The following CACNA1E variants were observed in gnomAD, a reference collection of about 807,000 sequenced individuals.
CACNA1E encodes the protein calcium voltage-gated channel subunit alpha1 E.
CACNA1E carries 40 observed loss-of-function variants against 259.2 expected under a neutral mutation model. The ratio of observed to expected loss-of-function variants is 0.15; its 90% confidence interval spans 0.12 to 0.20. CACNA1E has a LOEUF of 0.20. Among genes scored for constraint, CACNA1E ranks in the 10% least tolerant of loss-of-function variants. CACNA1E has a pLI of 1.00. For synonymous variants in CACNA1E, 1,104 were observed against 1,138.5 expected, an observed-to-expected ratio of 0.97 and a Z score of 0.61; for missense variants, 1,874 against 3,040.1, an observed-to-expected ratio of 0.62 and a Z score of 9.02.
chr1:181,464,243 C>T (rs1558024285), intron 2 of CACNA1E, among the ~76,000 whole-genome samples: 1 of 151,972 alleles, frequency 6.6e-6, no homozygotes. Context: ...ATCACCTTGT[C>T]ACATTTCACT....
intron 1 of CACNA1E, among the ~76,000 whole-genome samples, chr1:181,341,307 G>T (rs1221877446): frequency 6.6e-6 from 1 of 152,320 alleles, no homozygotes; most frequent in East Asian, 1.9e-4. Context: ...GGCTTCTGCT[G>T]CTCTCTGGAT....
At chr1:181,649,225 G>A (rs1658543520) in intron 6 of CACNA1E, among the ~76,000 whole-genome samples, 1 of 152,160 alleles carries the variant, frequency 6.6e-6, no homozygotes, top group Non-Finnish European at 1.5e-5. Context: ...GTATTTAACT[G>A]ACCAGACCTG....
intron 7 of CACNA1E, among the ~76,000 whole-genome samples, chr1:181,683,485 C>A (rs780825587): frequency 6.6e-6 from 1 of 152,154 alleles, no homozygotes; most frequent in Non-Finnish European, 1.5e-5. Context: ...AAGTTTGTTA[C>A]ATAGGTAAAT....
intron 3 of CACNA1E, among the ~76,000 whole-genome samples, chr1:181,523,642 G>T (rs986127224): frequency 6.6e-6 from 1 of 152,154 alleles, no homozygotes; most frequent in Non-Finnish European, 1.5e-5. Context: ...TTGTTAAGGG[G>T]CTATAGTAAT....
In CACNA1E at chr1:181,771,460, A is replaced by G. The variant is rs904007895; in HGVS notation, c.4973+76A>G. 4 of 791,152 alleles carry G rather than the reference A, an allele frequency of 5.1e-6. 1 individual carries two copies. Among genetic ancestry groups the G allele is most frequent in the South Asian group, 3.0e-5 (2 of 66,796 alleles). The allele number at this position is 791,152 out of a possible 1,614,324, so 49.0% of individuals were successfully genotyped here. ...GAGAGTTTGTCTGCCTCTTCCTCCC[A>G]TTTCCCTTTGTATCTTTATTCCACT... On this transcript the variant is annotated intron_variant, in intron 36 of 47. Transcript: ENST00000367573.
chr1:181,427,930 T>C (rs887565625), intron 2 of CACNA1E, among the ~76,000 whole-genome samples: 4 of 152,162 alleles, frequency 2.6e-5, no homozygotes, highest in African/African-American at 9.7e-5. Context: ...TCTGGAAAGA[T>C]GTCCATAACA....
Position 181,758,999 on chromosome 1 carries a change from G to A in CACNA1E, c.4605+131G>A, listed in dbSNP as rs1338458736. 2 of 613,266 alleles carry A rather than the reference G, an allele frequency of 3.3e-6. No individual in the cohort carries two copies. Among genetic ancestry groups the A allele is most frequent in the Non-Finnish European group, 5.8e-6 (2 of 342,150 alleles). The allele number at this position is 613,266 out of a possible 1,614,324, so 38.0% of individuals were successfully genotyped here. On this transcript the variant is annotated intron_variant, in intron 32 of 47. Transcript: ENST00000367573. The surrounding 1 kb of genome is among the most constrained non-coding windows in gnomAD (Gnocchi z 4.2). ...ACCTAGATGTGGGCTCGTTTTGACT[G>A]CTCAGTAAACTGCCGTAGAGACAAG...
chr1:181,560,938 A>G (rs553304405), intron 3 of CACNA1E, among the ~76,000 whole-genome samples: 1 of 152,380 alleles, frequency 6.6e-6, no homozygotes, highest in South Asian at 2.1e-4. Flanking sequence ...CACATGCTAC[A>G]GCATGGATGA....
rs866858353 is a variant in CACNA1E at position 181,763,474 on chromosome 1, C to T, written c.4758C>T (p.Leu1586=). Reference sequence around the variant, plus strand: ...TCCGAGCTGCCCGCCTCATAAAGCTCCTGCGTCAGGGCTATACCATACGCA... The same window carrying T: ...TCCGAGCTGCCCGCCTCATAAAGCTTCTGCGTCAGGGCTATACCATACGCA... ...KLFRAARLIK[L]LRQGYTIRIL... Residue 1586 remains leucine (L), a synonymous_variant, in exon 34 of 48, where the codon CTC becomes CTT. Coordinates refer to ENST00000367573, the MANE Select transcript of CACNA1E (RefSeq NM_001205293.3). The T allele has an allele frequency of 1.2e-6, 2 of 1,606,810 alleles. No homozygotes were observed. Among genetic ancestry groups the T allele is most frequent in the East Asian group, 4.5e-5 (2 of 44,664 alleles).
chr1:181,762,719 C>T (rs1000423945), intron 33 of CACNA1E, 62 bp downstream of exon 33: 9 of 956,596 alleles, frequency 9.4e-6, no homozygotes, highest in South Asian at 2.8e-5. Flanking sequence ...TTTAAAACTC[C>T]TCTGTATATT....
chr1:181,574,395 A>G (rs1038444891), intron 3 of CACNA1E, among the ~76,000 whole-genome samples: 1 of 152,228 alleles, frequency 6.6e-6, no homozygotes, highest in Non-Finnish European at 1.5e-5. Flanking sequence ...TTTGAATAGT[A>G]TCCCAGCTTG....
chr1:181,449,149 T>C (rs1031150103), intron 2 of CACNA1E, among the ~76,000 whole-genome samples: 18 of 152,138 alleles, frequency 1.2e-4, no homozygotes, highest in African/African-American at 4.1e-4. Context: ...TTGATTTATT[T>C]TGAGTGCAGT....
chr1:181,318,229 C>G (rs1042743707), intron 1 of CACNA1E: 1 of 152,138 alleles, frequency 6.6e-6, no homozygotes, highest in Non-Finnish European at 1.5e-5. Flanking sequence ...GTCTGGCCCC[C>G]GCGCTTCTAC....
intron 7 of CACNA1E, among the ~76,000 whole-genome samples, chr1:181,705,153 T>G (rs1200522197): frequency 6.6e-6 from 1 of 152,250 alleles, no homozygotes; most frequent in African/African-American, 2.4e-5. Context: ...CAGTGGCTCC[T>G]TATAGGTTCA....
intron 6 of CACNA1E, among the ~76,000 whole-genome samples, chr1:181,620,406 T>C (rs1014360458): frequency 6.6e-6 from 1 of 152,218 alleles, no homozygotes; most frequent in Admixed American, 6.5e-5. Context: ...CATCCACATG[T>C]TGAGACATGG....
At chr1:181,754,998 G>T (rs1657960018) in intron 27 of CACNA1E, among the ~76,000 whole-genome samples, 1 of 152,160 alleles carries the variant, frequency 6.6e-6, no homozygotes, top group African/African-American at 2.4e-5. Flanking sequence ...ACTGCGTTGG[G>T]TCTACATTCA....
intron 1 of CACNA1E, among the ~76,000 whole-genome samples, chr1:181,401,784 G>A (rs1476410720): frequency 1.3e-5 from 2 of 152,224 alleles, no homozygotes; most frequent in Non-Finnish European, 2.9e-5. Flanking sequence ...GGAAGTGGCA[G>A]CCCTGCACTT....
intron 2 of CACNA1E, among the ~76,000 whole-genome samples, chr1:181,476,674 A>G (rs1662872502): frequency 6.6e-6 from 1 of 152,188 alleles, no homozygotes; most frequent in Non-Finnish European, 1.5e-5. Context: ...AAATGAACCA[A>G]TCGGCCTGAG....
At chr1:181,332,486 A>G (rs918258528) in intron 1 of CACNA1E, among the ~76,000 whole-genome samples, 5 of 152,246 alleles carry the variant, frequency 3.3e-5, no homozygotes, top group Non-Finnish European at 7.3e-5. Flanking sequence ...GTATAATATC[A>G]ACTATTACAT....
Sources: gnomAD v4.1 joint callset for allele counts (sites outside exome capture counted in the v4.1 genomes callset) on GRCh38, gnomAD v4.1.1 for gene constraint, Gnocchi (gnomAD v3.1) non-coding constraint, MANE v1.5 for transcripts, NCBI Gene and HGNC (gene_info 2026-07-23, HGNC 2026-07-21) for gene names.